ERBB4: variants seen among roughly 807,000 people sequenced by gnomAD.
The protein encoded by ERBB4 is receptor tyrosine-protein kinase erbB-4.
In ERBB4, 42 loss-of-function variants were observed where a neutral mutation model predicts 158.0. The ratio of observed to expected loss-of-function variants is 0.27; its 90% CI spans 0.21 to 0.34. ERBB4 has a LOEUF of 0.34. ERBB4 is among the 10% of genes least tolerant of loss of function. The pLI is 1.00. For synonymous variants in ERBB4, 583 were observed against 558.7 expected, an observed-to-expected ratio of 1.04 and a Z score of -0.61; for missense variants, 1,333 against 1,624.1, an observed-to-expected ratio of 0.82 and a Z score of 3.08.
At chr2:212,157,579 A>T (rs185477125) in intron 1 of ERBB4, among the ~76,000 whole-genome samples, 107 of 152,200 alleles carry the variant, frequency 7.0e-4, no homozygotes, top group Non-Finnish European at 1.0e-3. Context: ...GGTTTTTTTG[A>T]AACCAGTAAG....
chr2:212,259,808 G>A (rs528880049), intron 1 of ERBB4, among the ~76,000 whole-genome samples: 54 of 152,174 alleles, frequency 3.5e-4, no homozygotes, highest in African/African-American at 1.2e-3. Flanking sequence ...GGTGGCTCAC[G>A]CTTGTAATCC....
intron 2 of ERBB4, among the ~76,000 whole-genome samples, chr2:212,078,966 A>T (rs2078353649): frequency 6.6e-6 from 1 of 151,210 alleles, no homozygotes; most frequent in South Asian, 2.1e-4. Context: ...TTTTTCACTT[A>T]ATGTACAGTT....
At chr2:212,038,672 A>G (rs1343078989) in intron 2 of ERBB4, among the ~76,000 whole-genome samples, 3 of 152,124 alleles carry the variant, frequency 2.0e-5, no homozygotes, top group Non-Finnish European at 2.9e-5. Context: ...TTCTTTCACC[A>G]TATCTATAAA....
At chr2:211,921,997 C>T (rs1280421255) in intron 3 of ERBB4, among the ~76,000 whole-genome samples, 2 of 152,084 alleles carry the variant, frequency 1.3e-5, no homozygotes, top group East Asian at 1.9e-4. Flanking sequence ...AATGCCTTGA[C>T]ATTTAAGCTA....
At chr2:211,633,553 A>T (rs1574896393) in intron 16 of ERBB4, among the ~76,000 whole-genome samples, 1 of 146,720 alleles carries the variant, frequency 6.8e-6, no homozygotes, top group African/African-American at 2.5e-5. Context: ...AACACAAAGT[A>T]AACAGGAAAT....
intron 19 of ERBB4, among the ~76,000 whole-genome samples, chr2:211,570,338 TTTTTTC>T (rs1242170148): frequency 6.8e-6 from 1 of 146,702 alleles, no homozygotes; most frequent in Admixed American, 6.8e-5. Flanking sequence ...TTTTTTTTTT[TTTTTTC>T]TCAGTAGAGA....
chr2:212,521,339 C>T (rs1692149902), intron 1 of ERBB4, among the ~76,000 whole-genome samples: 2 of 151,860 alleles, frequency 1.3e-5, no homozygotes, highest in East Asian at 3.9e-4. Flanking sequence ...TTTGAGAAAA[C>T]TGCCCTTCAG....
intron 8 of ERBB4, among the ~76,000 whole-genome samples, chr2:211,712,866 G>A (rs1198124272): frequency 1.3e-5 from 2 of 152,018 alleles, no homozygotes; most frequent in Admixed American, 1.3e-4. Flanking sequence ...TAAGTGTGGA[G>A]TTTGTCCTTT....
intron 1 of ERBB4, among the ~76,000 whole-genome samples, chr2:212,390,869 T>A (rs2090833892): frequency 6.6e-6 from 1 of 151,866 alleles, no homozygotes; most frequent in Non-Finnish European, 1.5e-5. Context: ...ACTTTATATA[T>A]AGCACAGTTT....
At chr2:212,026,372 C>A (rs956030990) in intron 2 of ERBB4, among the ~76,000 whole-genome samples, 2 of 151,598 alleles carry the variant, frequency 1.3e-5, no homozygotes, top group Non-Finnish European at 3.0e-5. Context: ...ACAGAATATT[C>A]ATCGTTGAGC....
intron 20 of ERBB4, among the ~76,000 whole-genome samples, chr2:211,513,366 A>C (rs935426786): frequency 6.0e-5 from 8 of 133,864 alleles, no homozygotes; most frequent in East Asian, 2.0e-4. Context: ...TCAAAAAAAA[A>C]AAAAAAAAAA....
At position 212,437,030 on chromosome 2, in the gene ERBB4, C is replaced by T. The variant is rs149196788; in HGVS notation, c.82+101419G>A. On this transcript the variant is annotated intron_variant, in intron 1 of 27. Transcript: ENST00000342788. ...GCTAGAGATCCCAGGGCCATGTAAA[C>T]GCCAAAGACTGGTTGTAAAGCAAAC... Among the ~76,000 whole-genome samples, 1,108 of 152,014 alleles carry T rather than the reference C, an allele frequency of 7.3e-3. 8 individuals are homozygous for T. Among genetic ancestry groups the T allele is most frequent in the Middle Eastern group, 0.031 (9 of 294 alleles).
intron 4 of ERBB4, among the ~76,000 whole-genome samples, chr2:211,754,590 G>A (rs2075243484): frequency 6.6e-6 from 1 of 151,856 alleles, no homozygotes; most frequent in Non-Finnish European, 1.5e-5. Flanking sequence ...TGTATTTTTA[G>A]TAGGGACGGG....
intron 1 of ERBB4, among the ~76,000 whole-genome samples, chr2:212,472,429 C>T (rs73989012): frequency 0.07 from 10,561 of 151,572 alleles, 846 homozygotes; most frequent in African/African-American, 0.2. Flanking sequence ...GGCTCTTAAG[C>T]CTTTCTTTTC....
intron 1 of ERBB4, among the ~76,000 whole-genome samples, chr2:212,178,741 T>G (rs141416049): frequency 1.3e-5 from 2 of 151,670 alleles, no homozygotes; most frequent in Non-Finnish European, 3.0e-5. Context: ...AGTCAGAGAT[T>G]TGAAGATAAG....
intron 20 of ERBB4, among the ~76,000 whole-genome samples, chr2:211,533,201 C>G (rs1471737330): frequency 6.6e-6 from 1 of 151,748 alleles, no homozygotes; most frequent in Non-Finnish European, 1.5e-5. Flanking sequence ...CACAAAATTC[C>G]TTAGGTGTAT....
At chr2:211,782,251 GCAC>G (rs2076054570) in intron 4 of ERBB4, among the ~76,000 whole-genome samples, 1 of 151,938 alleles carries the variant, frequency 6.6e-6, no homozygotes, top group South Asian at 2.1e-4. Context: ...CCCCATGTCT[GCAC>G]TCATCCATCT....
chr2:211,381,677 G>C lies in ERBB4; in HGVS notation c.*1938C>G, dbSNP rs2062576159. ...TAGATAAAGGAGGTTTGGATGGATG[G>C]ATGGATGGATTTACTTGTTCAGAAT... On this transcript the variant is annotated 3_prime_UTR_variant, in exon 28 of 28. Coordinates refer to ENST00000342788, the MANE Select transcript of ERBB4 (RefSeq NM_005235.3). The C allele has an allele frequency of 4.3e-6, 1 of 231,716 alleles. No homozygotes were observed. Among genetic ancestry groups the C allele is most frequent in the African/African-American group, 2.2e-5 (1 of 45,250 alleles). The allele number at this position is 231,716 out of a possible 1,614,324, so 14.4% of individuals were successfully genotyped here.
chr2:211,526,398 G>C lies in ERBB4; in HGVS notation c.2487+35505C>G, dbSNP rs116586770. Among the ~76,000 whole-genome samples, 306 of 152,262 alleles carry C rather than the reference G, an allele frequency of 2.0e-3. 4 individuals carry two copies. The highest frequency in any genetic ancestry group is 3.0e-3 in the Non-Finnish European group (205 of 68,032). On this transcript the variant is annotated intron_variant, in intron 20 of 27. Transcript: ENST00000342788. ...AACCACCAAGGCAGTACCTCTGCAA[G>C]TCTGAAAGAACAAGCACATTACTGC... is the stretch of plus-strand genomic sequence containing the variant.
Sources: gnomAD v4.1 joint callset for allele counts (sites outside exome capture counted in the v4.1 genomes callset) on GRCh38, gnomAD v4.1.1 for gene constraint, MANE v1.5 for transcripts, NCBI Gene and HGNC (gene_info 2026-07-23, HGNC 2026-07-21) for gene names.